ADAMTS19: variants seen among roughly 807,000 people sequenced by gnomAD.
ADAMTS19 encodes the protein ADAM metallopeptidase with thrombospondin type 1 motif 19, also known as A disintegrin and metalloproteinase with thrombospondin motifs 19.
Under a neutral mutation model 153.3 loss-of-function variants are expected in ADAMTS19, and 93 were observed. The observed-to-expected ratio is 0.61, with a 90% CI of 0.51 to 0.72. ADAMTS19 has a LOEUF of 0.72. ADAMTS19 is among the 30% of genes least tolerant of loss of function. The pLI, the probability that ADAMTS19 is intolerant of heterozygous loss-of-function variation, is 0.00. For missense variants in ADAMTS19, 1,482 were observed against 1,552.1 expected (o/e 0.95, Z 0.76); for synonymous variants, 600 against 556.6 (o/e 1.08, Z -1.10).
chr5:129,666,805 C>A (rs914786834), intron 16 of ADAMTS19, among the ~76,000 whole-genome samples: 5 of 152,160 alleles, frequency 3.3e-5, no homozygotes, highest in African/African-American at 1.2e-4. Context: ...TAGACAATTT[C>A]AATACATTCA....
intron 21 of ADAMTS19, among the ~76,000 whole-genome samples, chr5:129,718,686 T>C (rs1328093980): frequency 2.6e-5 from 4 of 152,172 alleles, no homozygotes; most frequent in African/African-American, 9.6e-5. Context: ...CTCTCCACTG[T>C]GAATGCTATT....
At chr5:129,560,149 G>GA (rs1403560249) in intron 7 of ADAMTS19, among the ~76,000 whole-genome samples, 6 of 152,126 alleles carry the variant, frequency 3.9e-5, no homozygotes, top group African/African-American at 1.4e-4. Flanking sequence ...AGCACATTTT[G>GA]AAGATTTAGT....
intron 2 of ADAMTS19, among the ~76,000 whole-genome samples, chr5:129,503,910 G>T (rs555469537): frequency 3.9e-5 from 6 of 152,010 alleles, no homozygotes; most frequent in African/African-American, 1.2e-4. Context: ...AGCATATACT[G>T]ATTCTAAAGC....
At chr5:129,539,007 G>A (rs1326120035) in intron 6 of ADAMTS19, among the ~76,000 whole-genome samples, 2 of 152,102 alleles carry the variant, frequency 1.3e-5, no homozygotes, top group Non-Finnish European at 2.9e-5. Flanking sequence ...TGTATGTAAA[G>A]AACATTGTTT....
intron 2 of ADAMTS19, among the ~76,000 whole-genome samples, chr5:129,496,616 T>A (rs887577698): frequency 6.6e-6 from 1 of 151,982 alleles, no homozygotes; most frequent in Non-Finnish European, 1.5e-5. Context: ...GACCTGGCAG[T>A]GATGAGTGCT....
chr5:129,662,088 G>C (rs193003890), intron 15 of ADAMTS19, among the ~76,000 whole-genome samples: 2 of 152,232 alleles, frequency 1.3e-5, no homozygotes, highest in African/African-American at 4.8e-5. Flanking sequence ...CTACCTTGGA[G>C]ACTATAATTA....
intron 18 of ADAMTS19, among the ~76,000 whole-genome samples, chr5:129,685,946 C>T (rs548348137): frequency 6.6e-6 from 1 of 152,276 alleles, no homozygotes; most frequent in East Asian, 1.9e-4. Flanking sequence ...TCGGAAGTTA[C>T]AGTTGAAACT....
chr5:129,602,680 T>A (rs1750717941), intron 8 of ADAMTS19, among the ~76,000 whole-genome samples: 1 of 152,224 alleles, frequency 6.6e-6, no homozygotes, highest in Admixed American at 6.5e-5. Flanking sequence ...TGGTTTATTC[T>A]TGATTTTTAA....
chr5:129,675,781 T>TC (rs931154358), intron 16 of ADAMTS19, among the ~76,000 whole-genome samples: 27 of 152,294 alleles, frequency 1.8e-4, no homozygotes, highest in African/African-American at 6.3e-4. Context: ...ACACCTGTAA[T>TC]CCCAGCCCTT....
chr5:129,490,266 C>T lies in ADAMTS19; in HGVS notation c.748-18811C>T, dbSNP rs115660126. Among the ~76,000 whole-genome samples, 1,433 of 152,222 alleles carry T rather than the reference C, an allele frequency of 9.4e-3. 20 individuals carry two copies. Among genetic ancestry groups the T allele is most frequent in the African/African-American group, 0.031 (1,297 of 41,542 alleles). ...TTTCTAACAGGACTCTAATGCTTCC[C>T]CATTCTCTTACAGATAAGTGATATA... On this transcript the variant is annotated intron_variant, in intron 2 of 22. Transcript: ENST00000274487.
intron 18 of ADAMTS19, among the ~76,000 whole-genome samples, chr5:129,686,302 A>G (rs1755085831): frequency 6.6e-6 from 1 of 152,074 alleles, no homozygotes; most frequent in Non-Finnish European, 1.5e-5. Context: ...TTTAGGTGCA[A>G]TAGGAGGAAT....
chr5:129,499,143 C>A (rs1226682693), intron 2 of ADAMTS19, among the ~76,000 whole-genome samples: 1 of 151,940 alleles, frequency 6.6e-6, no homozygotes, highest in East Asian at 1.9e-4. Flanking sequence ...CATGTTATTT[C>A]TCTATTTAAA....
At chr5:129,570,470 T>A (rs1753858288) in intron 7 of ADAMTS19, among the ~76,000 whole-genome samples, 1 of 151,780 alleles carries the variant, frequency 6.6e-6, no homozygotes, top group Admixed American at 6.6e-5. Flanking sequence ...CACTAGGATG[T>A]TTCATTAGTA....
intron 5 of ADAMTS19, among the ~76,000 whole-genome samples, chr5:129,528,318 T>G (rs1752086080): frequency 6.6e-6 from 1 of 152,068 alleles, no homozygotes; most frequent in Non-Finnish European, 1.5e-5. Flanking sequence ...TAAACAAATT[T>G]TGTAATTATT....
chr5:129,569,373 G>A (rs1342845348), intron 7 of ADAMTS19, among the ~76,000 whole-genome samples: 1 of 152,006 alleles, frequency 6.6e-6, no homozygotes, highest in African/African-American at 2.4e-5. Context: ...ATGGACAAAT[G>A]CACAATTATA....
chr5:129,652,271 G>A (rs1753349771), intron 13 of ADAMTS19, among the ~76,000 whole-genome samples: 1 of 152,214 alleles, frequency 6.6e-6, no homozygotes, highest in Admixed American at 6.5e-5. Context: ...TTATAGCGCT[G>A]TGGAAGAAAT....
chr5:129,590,481 ACACT>A (rs1561588610), intron 7 of ADAMTS19, among the ~76,000 whole-genome samples: 2 of 152,178 alleles, frequency 1.3e-5, no homozygotes, highest in Admixed American at 6.5e-5. Flanking sequence ...AACTTTTATT[ACACT>A]CACTCCTTTC....
intron 3 of ADAMTS19, among the ~76,000 whole-genome samples, chr5:129,522,194 T>A (rs13163523): frequency 0.52 from 76,691 of 146,998 alleles, 20,123 homozygotes; most frequent in East Asian, 0.59. Context: ...TGAAAAAAAA[T>A]ATATATATAT....
At chr5:129,710,634 C>T (rs955378180) in intron 21 of ADAMTS19, among the ~76,000 whole-genome samples, 2 of 152,158 alleles carry the variant, frequency 1.3e-5, no homozygotes, top group Non-Finnish European at 2.9e-5. Flanking sequence ...AACACCTTTA[C>T]ACTGCCTTCT....
Sources: gnomAD v4.1 joint callset for allele counts (sites outside exome capture counted in the v4.1 genomes callset) on GRCh38, gnomAD v4.1.1 for gene constraint, MANE v1.5 for transcripts, NCBI Gene and HGNC (gene_info 2026-07-23, HGNC 2026-07-21) for gene names.